ABCB11: variants seen among roughly 807,000 people sequenced by gnomAD.
ABCB11 encodes bile salt export pump.
ABCB11 carries 95 observed loss-of-function variants against 148.0 expected under a neutral mutation model. The observed-to-expected ratio is 0.64, with a 90% confidence interval of 0.54 to 0.76. ABCB11 has a LOEUF of 0.76. Among genes scored for constraint, ABCB11 ranks in the 30% least tolerant of loss-of-function variants. ABCB11 has a pLI of 0.00. For missense variants in ABCB11, 1,523 were observed against 1,617.8 expected, an observed-to-expected ratio of 0.94 and a Z score of 1.01; for synonymous variants, 591 against 555.4, an observed-to-expected ratio of 1.06 and a Z score of -0.90.
At position 169,018,069 on chromosome 2, in the gene ABCB11, A is replaced by G; in HGVS notation, c.57T>C (p.Gly19=). 1 of 1,613,518 alleles carries G rather than the reference A, an allele frequency of 6.2e-7. No individual in the cohort carries two copies. Among genetic ancestry groups the G allele is most frequent in the Non-Finnish European group, 8.5e-7 (1 of 1,179,602 alleles). Residue 19 remains glycine (G), a synonymous_variant, in exon 2 of 28, where the codon GGT becomes GGC. Transcript: ENST00000650372. ...SIKKFGEEND[G]FESDKSYNND... ...ACTCACATGATTTATCTGACTCAAA[A>G]CCATCATTCTCCTCTCCAAATTTCT... is the stretch of plus-strand genomic sequence containing the variant.
chr2:168,994,130 G>C (rs940140185), intron 7 of ABCB11, among the ~76,000 whole-genome samples: 4 of 151,940 alleles, frequency 2.6e-5, no homozygotes, highest in South Asian at 2.1e-4. Context: ...GTTGATAAAG[G>C]CTTTTGGAAA....
intron 1 of ABCB11, among the ~76,000 whole-genome samples, chr2:169,024,563 T>G (rs1048518061): frequency 9.8e-6 from 1 of 102,056 alleles, no homozygotes; most frequent in Non-Finnish European, 2.3e-5. Flanking sequence ...CAATGTGCAC[T>G]GTAAATGTCT....
At chr2:168,971,730 C>T in intron 14 of ABCB11, 117 bp downstream of exon 14, 1 of 981,228 alleles carries the variant, frequency 1.0e-6, no homozygotes. Context: ...GAAACTAAAA[C>T]ATGGCTTAAG....
At chr2:168,980,572 C>T (rs1188258627) in intron 10 of ABCB11, among the ~76,000 whole-genome samples, 3 of 152,146 alleles carry the variant, frequency 2.0e-5, no homozygotes. Flanking sequence ...TTTATCTTTA[C>T]AACAGAAGAG....
chr2:168,945,524 A>G (rs1440529973), intron 19 of ABCB11, among the ~76,000 whole-genome samples: 1 of 151,776 alleles, frequency 6.6e-6, no homozygotes, highest in Admixed American at 6.6e-5. Flanking sequence ...CATTTAAGTA[A>G]TAAAACTGAG....
chr2:168,975,916 T>A (rs1019428869), intron 12 of ABCB11, among the ~76,000 whole-genome samples: 1 of 151,614 alleles, frequency 6.6e-6, no homozygotes, highest in African/African-American at 2.4e-5. Context: ...TGGCTAGAGA[T>A]ACTCTGTTGA....
At chr2:168,929,823 G>T (rs570818137) in intron 25 of ABCB11, among the ~76,000 whole-genome samples, 1 of 152,270 alleles carries the variant, frequency 6.6e-6, no homozygotes, top group South Asian at 2.1e-4. Flanking sequence ...GGCAAAAGGA[G>T]GGAGTGGTGA....
intron 19 of ABCB11, among the ~76,000 whole-genome samples, chr2:168,951,133 A>G (rs1478149698): frequency 6.6e-6 from 1 of 151,248 alleles, no homozygotes; most frequent in African/African-American, 2.4e-5. Context: ...CCATTGATCT[A>G]TGTGTCTATT....
intron 8 of ABCB11, among the ~76,000 whole-genome samples, chr2:168,991,509 G>C (rs1255283515): frequency 6.6e-6 from 1 of 152,020 alleles, no homozygotes; most frequent in African/African-American, 2.4e-5. Context: ...TTCTAAAACT[G>C]ACTTGGATTG....
intron 1 of ABCB11, among the ~76,000 whole-genome samples, chr2:169,021,142 T>C (rs1399535036): frequency 5.3e-5 from 8 of 152,014 alleles, no homozygotes. Context: ...TTTGTATTTT[T>C]AGTAGAGATG....
At chr2:168,937,893 A>T (rs954433574) in intron 21 of ABCB11, among the ~76,000 whole-genome samples, 4 of 152,206 alleles carry the variant, frequency 2.6e-5, no homozygotes, top group African/African-American at 9.7e-5. Context: ...ATCTATACTA[A>T]TCAGAGTATC....
chr2:168,932,236 C>T (rs986801814), intron 24 of ABCB11, 141 bp downstream of exon 24: 2 of 691,116 alleles, frequency 2.9e-6, no homozygotes, highest in Admixed American at 5.4e-5. Flanking sequence ...TCAACTCCCA[C>T]TTATGAGTGA....
intron 8 of ABCB11, among the ~76,000 whole-genome samples, chr2:168,991,322 G>A (rs1694513850): frequency 6.6e-6 from 1 of 151,950 alleles, no homozygotes; most frequent in Admixed American, 6.6e-5. Flanking sequence ...ATCATGATTG[G>A]GTATAATATA....
Position 169,014,285 on chromosome 2 carries a change from T to A in ABCB11, c.150+18A>T, listed in dbSNP as rs1235679947. ...ATAGCTGCACACCCACTGCCATAAA[T>A]CAACACAGTTTTATTACCAATTGAA... On this transcript the variant is annotated intron_variant, in intron 4 of 27. Transcript: ENST00000650372. 3 of 1,610,348 alleles carry A rather than the reference T, an allele frequency of 1.9e-6. No homozygotes were observed. The highest frequency in any genetic ancestry group is 3.3e-5 in the Admixed American group (2 of 59,988).
rs2105976825 is a variant in ABCB11, at chr2:168,976,438, A to T, written c.1308+139T>A. 5.7e-6 allele frequency: 3 copies of T among 523,756 alleles called. No individual in the cohort carries two copies. In the South Asian group the frequency reaches 9.1e-5, roughly 16 times the overall value. The allele number at this position is 523,756 out of a possible 1,614,324, so 32.4% of individuals were successfully genotyped here. ...GCCTGAGATAAGCCAACACCCGAGG[A>T]TACTTTCAGAGAAAGACACCTCCAT... On this transcript the variant is annotated intron_variant, in intron 12 of 27. Coordinates refer to ENST00000650372, the MANE Select transcript of ABCB11 (RefSeq NM_003742.4).
chr2:168,939,415 T>C (rs1402466892), intron 21 of ABCB11, among the ~76,000 whole-genome samples: 3 of 152,112 alleles, frequency 2.0e-5, no homozygotes, highest in Non-Finnish European at 4.4e-5. Flanking sequence ...AAAGTGTCAG[T>C]TATTCCCCAT....
chr2:168,918,813 A>G (rs529510760), downstream of ABCB11, among the ~76,000 whole-genome samples: 5 of 152,262 alleles, frequency 3.3e-5, no homozygotes, highest in African/African-American at 1.2e-4. Flanking sequence ...TGGTGAATCT[A>G]TTTCTGGACT....
chr2:168,970,092 C>G lies in ABCB11; in HGVS notation c.1762G>C (p.Ala588Pro), dbSNP rs1693509331. 6.2e-7 allele frequency: 1 copy of G among 1,612,822 alleles called. No homozygotes were observed. Among genetic ancestry groups the G allele is most frequent in the Non-Finnish European group, 8.5e-7 (1 of 1,179,258 alleles). The change falls in exon 15 of 28, where the codon GCT becomes CCT. Residue 588 changes from alanine (A) to proline (P), a missense_variant. Coordinates refer to ENST00000650372, the MANE Select transcript of ABCB11 (RefSeq NM_003742.4). ...ATGGCTTCACTCTCATTGTCCAGAG[C>G]TGAGGTGGCCATGTCCAAAAGCAGA... Reference protein sequence around the residue: ...KILLLDMATSALDNESEAMVQ... With the variant: ...KILLLDMATSPLDNESEAMVQ...
In ABCB11 at chr2:168,930,829, A is replaced by G; in HGVS notation, c.3247T>C (p.Cys1083Arg). The G allele has an allele frequency of 2.5e-6, 4 of 1,607,088 alleles. No homozygotes were observed. The highest frequency in any genetic ancestry group is 3.4e-6 in the Non-Finnish European group (4 of 1,176,726). Reference sequence around the variant, plus strand: ...GGTCGAGAAGGATATGTAAATTTACAATCAACAAAATCAATCTTCCCCTGG... The same window carrying G: ...GGTCGAGAAGGATATGTAAATTTACGATCAACAAAATCAATCTTCCCCTGG... ...NFQGKIDFVD[C>R]KFTYPSRPDS... The change falls in exon 25 of 28, where the codon TGT (cysteine) becomes CGT (arginine). Residue 1083 changes from cysteine (C) to arginine (R), a missense_variant. Cys to Arg is a radical substitution (Grantham distance 180). Coordinates refer to ENST00000650372, the MANE Select transcript of ABCB11 (RefSeq NM_003742.4).
Sources: gnomAD v4.1 joint callset for allele counts (sites outside exome capture counted in the v4.1 genomes callset) on GRCh38, gnomAD v4.1.1 for gene constraint, MANE v1.5 for transcripts, NCBI Gene and HGNC (gene_info 2026-07-23, HGNC 2026-07-21) for gene names.